The following RIMS2 variants were observed in gnomAD, a reference collection of about 807,000 sequenced individuals.
RIMS2 encodes regulating synaptic membrane exocytosis 2.
In RIMS2, 59 loss-of-function variants were observed where a neutral mutation model predicts 174.4. The observed-to-expected ratio is 0.34, with a 90% CI of 0.27 to 0.42. The LOEUF is 0.42. RIMS2 is among the 10% of genes least tolerant of loss of function. RIMS2 has a pLI of 1.00. For synonymous variants in RIMS2, 606 were observed against 572.5 expected (o/e 1.06, Z -0.84); for missense variants, 1,620 against 1,666.3 (o/e 0.97, Z 0.48).
At chr8:103,841,967 G>GA (rs11284497) in intron 3 of RIMS2, among the ~76,000 whole-genome samples, 10 of 139,310 alleles carry the variant, frequency 7.2e-5, no homozygotes, top group South Asian at 4.7e-4. Context: ...AAAGAAAAAA[G>GA]AAAAAAAAAA....
intron 19 of RIMS2, among the ~76,000 whole-genome samples, chr8:104,222,846 A>C (rs967257900): frequency 2.6e-5 from 4 of 152,158 alleles, no homozygotes; most frequent in Non-Finnish European, 5.9e-5. Flanking sequence ...AATTTGATAG[A>C]CATCATTGTG....
At chr8:104,110,148 G>T (rs547729983) in intron 19 of RIMS2, among the ~76,000 whole-genome samples, 1 of 152,218 alleles carries the variant, frequency 6.6e-6, no homozygotes, top group African/African-American at 2.4e-5. Flanking sequence ...TTCACTTAAA[G>T]CTCTCTTTGA....
intron 1 of RIMS2, among the ~76,000 whole-genome samples, chr8:103,518,009 G>A (rs1479839226): frequency 1.3e-5 from 2 of 152,078 alleles, no homozygotes; most frequent in East Asian, 1.9e-4. Context: ...CTTGGCCCGC[G>A]GGTTGGACAG....
At position 103,514,820 on chromosome 8, in the gene RIMS2, C is replaced by T. The variant is rs187942040; in HGVS notation, c.176+13758C>T. On this transcript the variant is annotated intron_variant, in intron 1 of 23. Transcript: ENST00000504942. The stretch of plus-strand genomic sequence containing the variant: ...GGCTGAGGCAGGATAATTGCTTGAA[C>T]CCGGGAGGTGGAGGTTGCAGTGAGC... 1.4e-4 allele frequency among the ~76,000 whole-genome samples: 21 copies of T among 152,042 alleles called. No homozygotes were observed. In the East Asian group the frequency reaches 3.9e-3, roughly 28 times the overall value.
chr8:103,961,897 T>C (rs1490869084), intron 15 of RIMS2, among the ~76,000 whole-genome samples: 1 of 152,186 alleles, frequency 6.6e-6, no homozygotes, highest in East Asian at 1.9e-4. Context: ...TGTACCACTT[T>C]TTAAAAACTC....
intron 1 of RIMS2, among the ~76,000 whole-genome samples, chr8:103,522,756 GTTATAACC>G (rs1433823326): frequency 6.6e-6 from 1 of 152,104 alleles, no homozygotes; most frequent in East Asian, 1.9e-4. Context: ...TGGCTAATAA[GTTATAACC>G]TTAAACAGAT....
chr8:103,885,555 A>T, exon 4 of RIMS2: 1 of 1,612,750 alleles, frequency 6.2e-7, no homozygotes, highest in Non-Finnish European at 8.5e-7. Flanking sequence ...AGCAGAGATG[A>T]ATACGAAAGG....
chr8:103,711,571 A>T (rs1002083263), intron 2 of RIMS2, among the ~76,000 whole-genome samples: 9 of 152,300 alleles, frequency 5.9e-5, no homozygotes, highest in Non-Finnish European at 1.0e-4. Flanking sequence ...TATTCCGTGT[A>T]TAAGCTAAAT....
intron 3 of RIMS2, among the ~76,000 whole-genome samples, chr8:103,807,062 A>G (rs1018225258): frequency 3.3e-5 from 5 of 152,132 alleles, no homozygotes; most frequent in African/African-American, 1.2e-4. Context: ...AGATATACAG[A>G]AGATATTTAA....
Position 103,989,434 on chromosome 8 carries a change from A to C in RIMS2, c.3044+13A>C. 7.6e-7 allele frequency: 1 copy of C among 1,320,256 alleles called. No homozygotes were observed. Among genetic ancestry groups the C allele is most frequent in the Non-Finnish European group, 1.1e-6 (1 of 913,146 alleles). The allele number at this position is 1,320,256 out of a possible 1,614,324, so 81.8% of individuals were successfully genotyped here. ...CAGATAGAGACAGGTAAATATGATTAAATACTATTAGACCTTATTATTAAT... is the reference window on the plus strand; with the variant it reads ...CAGATAGAGACAGGTAAATATGATTCAATACTATTAGACCTTATTATTAAT... On this transcript the variant is annotated intron_variant, in intron 17 of 23. Transcript: ENST00000504942.
At chr8:104,143,863 C>A (rs181936856) in intron 19 of RIMS2, among the ~76,000 whole-genome samples, 3 of 152,268 alleles carry the variant, frequency 2.0e-5, no homozygotes, top group Admixed American at 6.5e-5. Flanking sequence ...CTTCTCAGCT[C>A]TAATGTGATG....
At chr8:103,610,311 A>T (rs1277550306) in intron 1 of RIMS2, among the ~76,000 whole-genome samples, 1 of 152,028 alleles carries the variant, frequency 6.6e-6, no homozygotes, top group Admixed American at 6.6e-5. Context: ...TCCTATTTGG[A>T]TGCCTTTTAT....
intron 14 of RIMS2, among the ~76,000 whole-genome samples, chr8:103,948,870 A>C (rs984214756): frequency 5.9e-5 from 9 of 152,004 alleles, no homozygotes; most frequent in East Asian, 3.9e-4. Context: ...CACACCTGTA[A>C]TCTCAGCCTC....
At chr8:104,205,984 G>C (rs1341279977) in intron 19 of RIMS2, among the ~76,000 whole-genome samples, 2 of 152,128 alleles carry the variant, frequency 1.3e-5, no homozygotes, top group South Asian at 2.1e-4. Flanking sequence ...TCAAACTCCT[G>C]ACCTCAAGTG....
chr8:103,649,326 T>C (rs1407228330), intron 1 of RIMS2, among the ~76,000 whole-genome samples: 1 of 152,196 alleles, frequency 6.6e-6, no homozygotes, highest in Non-Finnish European at 1.5e-5. Flanking sequence ...TCTGATGGGC[T>C]GCATTTTGTA....
At chr8:103,675,565 T>A (rs1172709503) in intron 1 of RIMS2, among the ~76,000 whole-genome samples, 1 of 152,078 alleles carries the variant, frequency 6.6e-6, no homozygotes, top group East Asian at 1.9e-4. Context: ...CACCGTCAAA[T>A]TAAACAAGTA....
At chr8:103,839,570 G>A (rs2098927541) in intron 3 of RIMS2, among the ~76,000 whole-genome samples, 1 of 152,126 alleles carries the variant, frequency 6.6e-6, no homozygotes, top group African/African-American at 2.4e-5. Flanking sequence ...ATCTCTCCAA[G>A]CTTGCTTGAT....
chr8:103,620,100 G>T (rs548989551), intron 1 of RIMS2, among the ~76,000 whole-genome samples: 4 of 152,046 alleles, frequency 2.6e-5, no homozygotes, highest in Non-Finnish European at 5.9e-5. Flanking sequence ...GAATAATAAG[G>T]TAACATTTGT....
chr8:103,880,060 G>A (rs907899703), intron 3 of RIMS2, among the ~76,000 whole-genome samples: 4 of 151,508 alleles, frequency 2.6e-5, no homozygotes, highest in Admixed American at 2.0e-4. Context: ...AACCTTTGGG[G>A]AAACATTGCC....
Sources: gnomAD v4.1 joint callset for allele counts (sites outside exome capture counted in the v4.1 genomes callset) on GRCh38, gnomAD v4.1.1 for gene constraint, MANE v1.5 for transcripts, NCBI Gene and HGNC (gene_info 2026-07-23, HGNC 2026-07-21) for gene names.